OPCML: variants seen among roughly 807,000 people sequenced by gnomAD.
OPCML encodes the protein opioid binding protein/cell adhesion molecule like.
OPCML carries 13 observed loss-of-function variants against 37.8 expected under a neutral mutation model. That is an observed-to-expected ratio of 0.34 (90% CI 0.22 to 0.55). The LOEUF (loss-of-function observed/expected upper bound fraction) is 0.55, where lower values mean the gene tolerates loss of function less well. OPCML is among the 20% of genes least tolerant of loss of function. The pLI is 0.91. For synonymous variants in OPCML, 176 were observed against 168.8 expected (o/e 1.04, Z -0.33); for missense variants, 341 against 435.6 (o/e 0.78, Z 1.93).
At chr11:132,553,469 TG>T (rs1342450810) in intron 3 of OPCML, among the ~76,000 whole-genome samples, 2 of 151,722 alleles carry the variant, frequency 1.3e-5, no homozygotes, top group African/African-American at 4.8e-5. Flanking sequence ...CAAGGAAGAG[TG>T]TGCATGCACA....
intron 2 of OPCML, among the ~76,000 whole-genome samples, chr11:132,706,972 G>A (rs763093272): frequency 6.6e-5 from 10 of 152,128 alleles, no homozygotes; most frequent in Non-Finnish European, 1.2e-4. Context: ...TTGTCTAAAC[G>A]TCGCCAAGAT....
At chr11:132,615,664 A>G (rs1475615945) in intron 3 of OPCML, among the ~76,000 whole-genome samples, 1 of 152,220 alleles carries the variant, frequency 6.6e-6, no homozygotes, top group African/African-American at 2.4e-5. Context: ...GCCATTTTAT[A>G]TAAGGTATTT....
intron 2 of OPCML, among the ~76,000 whole-genome samples, chr11:132,912,151 C>T (rs1944447905): frequency 7.3e-6 from 1 of 137,324 alleles, no homozygotes; most frequent in Admixed American, 6.8e-5. Context: ...TCCTTCAAGA[C>T]TCCAATAAAA....
At chr11:133,382,743 A>G (rs1944958104) in intron 1 of OPCML, among the ~76,000 whole-genome samples, 4 of 151,968 alleles carry the variant, frequency 2.6e-5, no homozygotes, top group African/African-American at 9.7e-5. Context: ...CCTCCCATCT[A>G]TCTCCCACCG....
chr11:132,559,226 G>A (rs903257921), intron 3 of OPCML, among the ~76,000 whole-genome samples: 5 of 152,046 alleles, frequency 3.3e-5, no homozygotes, highest in Non-Finnish European at 7.4e-5. Context: ...AGCATTCTCG[G>A]TCTCCCACTG....
chr11:133,361,861 G>C (rs556025880), intron 1 of OPCML: 3 of 152,460 alleles, frequency 2.0e-5, no homozygotes, highest in African/African-American at 7.2e-5. Context: ...GGACAGCAGC[G>C]CCGGCCCTCA....
At chr11:133,429,800 T>C (rs1261940675) in intron 1 of OPCML, among the ~76,000 whole-genome samples, 4 of 152,140 alleles carry the variant, frequency 2.6e-5, no homozygotes, top group African/African-American at 9.7e-5. Flanking sequence ...GGAATTTAAT[T>C]TGGGCTATGA....
chr11:133,157,900 C>T (rs1313863529), intron 1 of OPCML, among the ~76,000 whole-genome samples: 1 of 152,218 alleles, frequency 6.6e-6, no homozygotes, highest in African/African-American at 2.4e-5. Context: ...AAAAACATAT[C>T]ATTCTGCTTG....
intron 1 of OPCML, among the ~76,000 whole-genome samples, chr11:133,426,733 G>C (rs1457687536): frequency 6.6e-6 from 1 of 152,150 alleles, no homozygotes; most frequent in African/African-American, 2.4e-5. Flanking sequence ...GATGCTCCCT[G>C]GTCTCTCCCT....
intron 2 of OPCML, among the ~76,000 whole-genome samples, chr11:132,938,275 C>A (rs1354348016): frequency 6.6e-6 from 1 of 151,978 alleles, no homozygotes; most frequent in African/African-American, 2.4e-5. Flanking sequence ...TAACCATAAC[C>A]ACACATGAAA....
chr11:132,424,562 G>A (rs1454843783), intron 7 of OPCML, among the ~76,000 whole-genome samples: 2 of 152,282 alleles, frequency 1.3e-5, no homozygotes, highest in Admixed American at 1.3e-4. Flanking sequence ...GGGACCTCAG[G>A]AAATGCTCTC....
intron 2 of OPCML, among the ~76,000 whole-genome samples, chr11:132,864,837 C>G (rs1413206217): frequency 6.6e-6 from 1 of 152,214 alleles, no homozygotes; most frequent in Non-Finnish European, 1.5e-5. Context: ...TCCATAACAG[C>G]AACAACAACA....
At chr11:132,806,519 T>C (rs1939020358) in intron 2 of OPCML, among the ~76,000 whole-genome samples, 1 of 152,028 alleles carries the variant, frequency 6.6e-6, no homozygotes. Context: ...TCATGTGAAA[T>C]AGTGCATGAT....
rs1346299070 is a variant in OPCML, at chr11:132,770,102, AAAT to A, written c.147-112786_147-112784del. Among the ~76,000 whole-genome samples, 6 of 152,146 alleles carry A rather than the reference AAAT, an allele frequency of 3.9e-5. No homozygotes were observed. In the East Asian group the frequency reaches 1.2e-3, roughly 29 times the overall value. On this transcript the variant is annotated intron_variant, in intron 2 of 7. Transcript: ENST00000524381. ...GAGGTATTATTAGAGGAAAGAAAAA[AAAT>A]AAGAATTTCAGCTTTTATTATCAAA...
At chr11:132,606,043 T>A (rs1462640274) in intron 3 of OPCML, among the ~76,000 whole-genome samples, 1 of 152,196 alleles carries the variant, frequency 6.6e-6, no homozygotes, top group East Asian at 1.9e-4. Flanking sequence ...ACTTGGGTCC[T>A]TTTTCTTCCT....
At chr11:133,288,093 C>G (rs1309951196) in intron 1 of OPCML, among the ~76,000 whole-genome samples, 1 of 152,176 alleles carries the variant, frequency 6.6e-6, no homozygotes, top group Non-Finnish European at 1.5e-5. Context: ...TATTGTGTGT[C>G]CATGATAGCA....
At chr11:133,384,261 A>AAAG (rs1555149410) in intron 1 of OPCML, among the ~76,000 whole-genome samples, 9 of 109,336 alleles carry the variant, frequency 8.2e-5, no homozygotes, top group African/African-American at 1.0e-4. Flanking sequence ...AAAAAAAAAA[A>AAAG]AAAAGAAAAG....
chr11:132,625,530 C>T lies in OPCML; in HGVS notation c.379+31557G>A, dbSNP rs537314751. Among the ~76,000 whole-genome samples, 72 of 152,300 alleles carry T rather than the reference C, an allele frequency of 4.7e-4. No individual in the cohort carries two copies. In the South Asian group the frequency reaches 5.0e-3, roughly 11 times the overall value. ...TGCCAGAAACAGCTCTGTTCATCCCCTCAGAATGCAGATTAGAGGGCATCT... is the reference window on the plus strand; with the variant it reads ...TGCCAGAAACAGCTCTGTTCATCCCTTCAGAATGCAGATTAGAGGGCATCT... On this transcript the variant is annotated intron_variant, in intron 3 of 7. Transcript: ENST00000524381.
chr11:133,015,232 G>A (rs1947298305), intron 1 of OPCML, among the ~76,000 whole-genome samples: 1 of 151,846 alleles, frequency 6.6e-6, no homozygotes, highest in Non-Finnish European at 1.5e-5. Context: ...AAAGAGGGAG[G>A]ACACACACTA....
Sources: gnomAD v4.1 joint callset for allele counts (sites outside exome capture counted in the v4.1 genomes callset) on GRCh38, gnomAD v4.1.1 for gene constraint, MANE v1.5 for transcripts, NCBI Gene and HGNC (gene_info 2026-07-23, HGNC 2026-07-21) for gene names.